The following TES variants were observed in gnomAD, a reference collection of about 807,000 sequenced individuals.
TES encodes testin LIM domain protein, also known as testin.
TES carries 41 observed loss-of-function variants against 48.2 expected under a neutral mutation model. The ratio of observed to expected loss-of-function variants is 0.85; its 90% confidence interval spans 0.66 to 1.10. The LOEUF is 1.10. Ranked by LOEUF, TES falls within the 50% of genes least tolerant of loss-of-function variation. TES has a pLI of 0.00. For missense variants in TES, 463 were observed against 515.1 expected, an observed-to-expected ratio of 0.90 and a Z score of 0.98; for synonymous variants, 162 against 174.9, an observed-to-expected ratio of 0.93 and a Z score of 0.58.
At chr7:116,218,856 AAC>A (rs1280600980) in intron 1 of TES, among the ~76,000 whole-genome samples, 1 of 152,270 alleles carries the variant, frequency 6.6e-6, no homozygotes, top group East Asian at 1.9e-4. Flanking sequence ...TATTTTTAAA[AAC>A]ACAATAAAAA....
At chr7:116,249,688 C>T (rs929738751) in intron 3 of TES, 1 of 165,216 alleles carries the variant, frequency 6.1e-6, no homozygotes, top group Admixed American at 6.1e-5. Context: ...CTATATAAGA[C>T]CAAAAAGATC....
At chr7:116,221,425 T>G (rs995360540) in intron 1 of TES, among the ~76,000 whole-genome samples, 1 of 152,272 alleles carries the variant, frequency 6.6e-6, no homozygotes, top group African/African-American at 2.4e-5. Context: ...TGGTTACTAT[T>G]CTTTGCAGCA....
intron 6 of TES, 147 bp from the exon 7 acceptor site, chr7:116,257,147 T>G: frequency 7.4e-6 from 6 of 813,034 alleles, no homozygotes; most frequent in Non-Finnish European, 1.1e-5. Flanking sequence ...GCCAAAAAGG[T>G]TAGCTAGAAG....
At chr7:116,230,980 AGAGAT>A (rs1478492729) in intron 1 of TES, among the ~76,000 whole-genome samples, 1 of 152,186 alleles carries the variant, frequency 6.6e-6, no homozygotes, top group East Asian at 1.9e-4. Context: ...ATCTACACTT[AGAGAT>A]GGTGCAAGAG....
rs369209090 is a variant in TES at position 116,249,219 on chromosome 7, T to G, written c.313T>G (p.Ser105Ala). The G allele has an allele frequency of 6.2e-7, 1 of 1,613,972 alleles. No individual in the cohort carries two copies. Among genetic ancestry groups the G allele is most frequent in the Non-Finnish European group, 8.5e-7 (1 of 1,179,984 alleles). The change falls in exon 3 of 7, where the codon TCC becomes GCC. Residue 105 changes from serine (S) to alanine (A), a missense_variant. Ser to Ala is a moderately conservative substitution (Grantham distance 99). Transcript: ENST00000358204. Reference protein sequence around the residue: ...TNPVAAKKNVSINTVTYEWAP... With the variant: ...TNPVAAKKNVAINTVTYEWAP... ...TCCAGTTGCTGCCAAGAAGAATGTC[T>G]CCATCAATACAGTTACCTATGAGTG...
At chr7:116,243,008 A>G (rs1414883962) in intron 2 of TES, among the ~76,000 whole-genome samples, 2 of 151,476 alleles carry the variant, frequency 1.3e-5, no homozygotes, top group Admixed American at 6.6e-5. Context: ...TCCTCTAGGA[A>G]CTCTTTCTAG....
chr7:116,242,720 T>C lies in TES; in HGVS notation c.114-6300T>C, dbSNP rs991974081. On this transcript the variant is annotated intron_variant, in intron 2 of 6. Coordinates refer to ENST00000358204, the MANE Select transcript of TES (RefSeq NM_015641.4). The stretch of plus-strand genomic sequence containing the variant: ...TTTCTGATGTAGATAAATTCCATGA[T>C]TTATATTAATTTTAAATTTAGAAAA... Among the ~76,000 whole-genome samples the C allele has an allele frequency of 6.6e-5, 10 of 152,172 alleles. 1 individual carries two copies. Among genetic ancestry groups the C allele is most frequent in the African/African-American group, 2.4e-4 (10 of 41,450 alleles).
At chr7:116,253,838 TGGTGTGTGTGTGGGTGGGTGTGTGGG>T (rs1419011974) in intron 6 of TES, among the ~76,000 whole-genome samples, 2 of 151,930 alleles carry the variant, frequency 1.3e-5, no homozygotes, top group Non-Finnish European at 2.9e-5. Flanking sequence ...ATGTTCCCAA[TGGTGTGTGTGTGGGTGGGTGTGTGGG>T]GGTGTGTGTG....
intron 1 of TES, among the ~76,000 whole-genome samples, chr7:116,229,176 G>C (rs1243765080): frequency 6.6e-6 from 1 of 151,616 alleles, no homozygotes; most frequent in African/African-American, 2.4e-5. Flanking sequence ...GCCTCTCTGG[G>C]CTCACCTTCC....
At chr7:116,248,245 A>G (rs1302986318) in intron 2 of TES, among the ~76,000 whole-genome samples, 1 of 152,062 alleles carries the variant, frequency 6.6e-6, no homozygotes, top group Non-Finnish European at 1.5e-5. Context: ...TGATTCCACC[A>G]TGTCTTTTCT....
At position 116,258,303 on chromosome 7, in the gene TES, TTTC is replaced by T. The variant is rs1800135560; in HGVS notation, c.*822_*824del. 2 of 152,444 alleles carry T rather than the reference TTTC, an allele frequency of 1.3e-5. No individual in the cohort carries two copies. Among genetic ancestry groups the T allele is most frequent in the South Asian group, 2.1e-4 (1 of 4,820 alleles). 9.4% of individuals were successfully genotyped at this position (152,444 alleles called of 1,614,324 possible). ...TTTTGTATTTTTAGTAGAGACAGGTTTTCACCATGTTAGCCAGGCTGGTCTCAA... is the reference window on the plus strand; with the variant it reads ...TTTTGTATTTTTAGTAGAGACAGGTTACCATGTTAGCCAGGCTGGTCTCAA... On this transcript the variant is annotated 3_prime_UTR_variant, in exon 7 of 7. Transcript: ENST00000358204.
chr7:116,238,585 CATTATTATT>C (rs375782060), intron 2 of TES, among the ~76,000 whole-genome samples: 11 of 129,364 alleles, frequency 8.5e-5, no homozygotes, highest in South Asian at 2.8e-4. Flanking sequence ...CAACATCCAT[CATTATTATT>C]ATTATTATTA....
rs1800032435 is a variant in TES, at chr7:116,252,480, A to G, written c.1077+4A>G. 5 of 1,614,208 alleles carry G rather than the reference A, an allele frequency of 3.1e-6. No individual in the cohort carries two copies. Among genetic ancestry groups the G allele is most frequent in the Non-Finnish European group, 4.2e-6 (5 of 1,180,028 alleles). ...CTATGTGAAGAATCACGCTGTGGTG[A>G]GAAGTGTTCTAAGGATATGGTTGCC... On this transcript the variant is annotated splice_donor_region_variant and intron_variant, in intron 6 of 6. Coordinates refer to ENST00000358204, the MANE Select transcript of TES (RefSeq NM_015641.4).
Position 116,249,176 on chromosome 7 carries a change from T to C in TES, c.270T>C (p.Asn90=). The change falls in exon 3 of 7, where the codon AAT becomes AAC. Residue 90 remains asparagine, a synonymous_variant. Transcript: ENST00000358204. ...KSDGIPMYKR[N]VMILTNPVAA... ...ATGGAATTCCCATGTATAAACGCAA[T>C]GTTATGATATTGACGAATCCAGTTG... 6.2e-7 allele frequency: 1 copy of C among 1,614,110 alleles called. No individual in the cohort carries two copies.
intron 2 of TES, among the ~76,000 whole-genome samples, chr7:116,247,477 G>C (rs190691005): frequency 1.3e-5 from 2 of 151,908 alleles, no homozygotes; most frequent in African/African-American, 4.8e-5. Context: ...GTTACACTCA[G>C]ACATGTCCCT....
intron 6 of TES, 131 bp from the exon 7 acceptor site, chr7:116,257,163 C>A: frequency 8.2e-6 from 8 of 980,872 alleles, no homozygotes; most frequent in Non-Finnish European, 1.2e-5. Flanking sequence ...AGAAGGCCAC[C>A]CTCCATTGTG....
intron 1 of TES, among the ~76,000 whole-genome samples, chr7:116,219,184 A>C (rs1369868760): frequency 2.6e-5 from 4 of 152,196 alleles, no homozygotes; most frequent in East Asian, 3.8e-4. Context: ...GCATTCCATA[A>C]AGAGGAAATA....
chr7:116,252,041 G>A, intron 5 of TES, 66 bp downstream of exon 5: 1 of 1,516,438 alleles, frequency 6.6e-7, no homozygotes, highest in Non-Finnish European at 9.1e-7. Flanking sequence ...CCTTTACCTA[G>A]AAGGCAACAA....
At chr7:116,233,704 C>T (rs1001924187) in intron 1 of TES, among the ~76,000 whole-genome samples, 8 of 152,138 alleles carry the variant, frequency 5.3e-5, no homozygotes, top group African/African-American at 1.9e-4. Flanking sequence ...AACAAAATAC[C>T]TTAGACTGGG....
Sources: allele counts gnomAD v4.1 joint callset (sites outside exome capture counted in the v4.1 genomes callset), GRCh38; gene constraint gnomAD v4.1.1; transcripts MANE v1.5; gene names NCBI Gene and HGNC (gene_info 2026-07-23, HGNC 2026-07-21).